The following ASMTL variants were observed in gnomAD, a reference collection of about 807,000 sequenced individuals.
ASMTL encodes acetylserotonin O-methyltransferase like, also known as probable bifunctional dTTP/UTP pyrophosphatase/methyltransferase protein.
A neutral mutation model predicts 60.3 loss-of-function variants in ASMTL; 57 were observed. The ratio of observed to expected loss-of-function variants is 0.95; its 90% CI spans 0.76 to 1.18. The LOEUF (loss-of-function observed/expected upper bound fraction) is 1.18, where lower values mean the gene tolerates loss of function less well. ASMTL is among the 50% of genes most tolerant of loss of function. ASMTL has a pLI of 0.00. For missense variants in ASMTL, 981 were observed against 852.6 expected (o/e 1.15, Z -1.88); for synonymous variants, 419 against 373.0 (o/e 1.12, Z -1.42).
intron 12 of ASMTL, 55 bp downstream of exon 12, chrX:1,412,677 G>A (rs2149274170): frequency 6.2e-7 from 1 of 1,611,370 alleles, no homozygotes; most frequent in Non-Finnish European, 8.5e-7. Context: ...TGTAAAACTT[G>A]AACCCAAAAT....
At chrX:1,453,315 CGTG>C (rs1234644050), upstream of ASMTL, among the ~76,000 whole-genome samples, 28 of 151,728 alleles carry the variant, frequency 1.8e-4, no homozygotes, top group East Asian at 5.1e-3. Context: ...TTGAGCTCCC[CGTG>C]AGGCCACGCC....
chrX:1,432,849 G>T (rs1248606951), intron 5 of ASMTL, among the ~76,000 whole-genome samples: 1 of 152,310 alleles, frequency 6.6e-6, no homozygotes, highest in Non-Finnish European at 1.5e-5. Context: ...AAAAGAAACA[G>T]CAGTTTGGGC....
intron 3 of ASMTL, among the ~76,000 whole-genome samples, chrX:1,438,134 C>G (rs2091019279): frequency 6.7e-6 from 1 of 150,364 alleles, no homozygotes; most frequent in Non-Finnish European, 1.5e-5. Flanking sequence ...ACTAAAAATA[C>G]AAAAATCAGC....
chrX:1,445,152 C>G (rs2091206622), intron 1 of ASMTL, among the ~76,000 whole-genome samples: 1 of 152,150 alleles, frequency 6.6e-6, no homozygotes, highest in Non-Finnish European at 1.5e-5. Flanking sequence ...GGTCGGCCAT[C>G]CCAGTCCTCG....
rs375730249 is a variant in ASMTL, at chrX:1,421,857, A to C, written c.1061-15T>G. On this transcript the variant is annotated splice_polypyrimidine_tract_variant and intron_variant, in intron 8 of 12. Transcript: ENST00000381317. Reference sequence around the variant, plus strand: ...GTTACTGTAACCTGGAGAAATGGGGACAGTCGTGTGACCTCCTAACGAGAA... The same window carrying C: ...GTTACTGTAACCTGGAGAAATGGGGCCAGTCGTGTGACCTCCTAACGAGAA... 8.1e-6 allele frequency: 13 copies of C among 1,613,590 alleles called. No homozygotes were observed. The African/African-American group carries it at 1.7e-4, about 22-fold the overall frequency.
intron 6 of ASMTL, among the ~76,000 whole-genome samples, chrX:1,429,107 AT>A (rs1396444914): frequency 6.6e-6 from 1 of 151,364 alleles, no homozygotes; most frequent in Non-Finnish European, 1.5e-5. Context: ...GTTGGCCACG[AT>A]GGTCTCGAAC....
chrX:1,450,451 A>G (rs1368237541), intron 1 of ASMTL, among the ~76,000 whole-genome samples: 67 of 123,756 alleles, frequency 5.4e-4, no homozygotes, highest in Admixed American at 1.2e-3. Context: ...GTCCCGGGTT[A>G]CTCTCCCCTC....
intron 4 of ASMTL, 65 bp downstream of exon 4, chrX:1,435,629 C>A: frequency 6.5e-7 from 1 of 1,528,744 alleles, no homozygotes; most frequent in Non-Finnish European, 9.1e-7. Flanking sequence ...GGACACCCGG[C>A]CAGATACCAC....
Position 1,405,282 on chromosome X carries a change from G to A in ASMTL, c.1646-1793C>T, listed in dbSNP as rs1179196260. Among the ~76,000 whole-genome samples the A allele has an allele frequency of 2.8e-5, 4 of 141,732 alleles. No homozygotes were observed. In the South Asian group the frequency reaches 9.2e-4, roughly 33 times the overall value. The allele number at this position is 141,732 out of a possible 152,430, so 93.0% of individuals were successfully genotyped here. On this transcript the variant is annotated intron_variant, in intron 12 of 12. Transcript: ENST00000381317. ...TGGGTACGTAGATAGATGAGTGGAT[G>A]GATAGATGGATGTGATGGATGGGTG...
At chrX:1,453,152 G>A (rs1368808620), upstream of ASMTL, among the ~76,000 whole-genome samples, 1 of 143,636 alleles carries the variant, frequency 7.0e-6, no homozygotes, top group Non-Finnish European at 1.5e-5. Flanking sequence ...CGCCTCCATT[G>A]CCCTCTCCGT....
At position 1,443,340 on chromosome X, in the gene ASMTL, T is replaced by G. The variant is rs868638408; in HGVS notation, c.94-1023A>C. Among the ~76,000 whole-genome samples, 99 of 42,964 alleles carry G rather than the reference T, an allele frequency of 2.3e-3. 6 individuals are homozygous for G. The highest frequency in any genetic ancestry group is 3.9e-3 in the African/African-American group (84 of 21,296). 28.2% of individuals were successfully genotyped at this position (42,964 alleles called of 152,430 possible). On this transcript the variant is annotated intron_variant, in intron 1 of 12. Transcript: ENST00000381317. ...GCCATCTTGGACACACACCGCCATCTTGGACAGACACCGCCATCTTGGACA... is the reference window on the plus strand; with the variant it reads ...GCCATCTTGGACACACACCGCCATCGTGGACAGACACCGCCATCTTGGACA...
At chrX:1,414,817 T>A (rs1268476263) in intron 11 of ASMTL, among the ~76,000 whole-genome samples, 4 of 152,276 alleles carry the variant, frequency 2.6e-5, no homozygotes, top group African/African-American at 2.4e-5. Context: ...TTTGTTTTTT[T>A]AAAAACGAGA....
intron 1 of ASMTL, among the ~76,000 whole-genome samples, chrX:1,443,059 A>ACG (rs1439764296): frequency 7.1e-4 from 6 of 8,406 alleles, no homozygotes; most frequent in African/African-American, 7.4e-4. Context: ...ACCATCGTGG[A>ACG]CACACACCGT....
rs1216307127 is a variant in ASMTL at position 1,422,416 on chromosome X, CTA to C, written c.1061-576_1061-575del. On this transcript the variant is annotated intron_variant, in intron 8 of 12. Coordinates refer to ENST00000381317, the MANE Select transcript of ASMTL (RefSeq NM_004192.4). ...CCCTGTGGATTTTGGACTTGCCAGC[CTA>C]CACAATCACGTAAGTCCTCAAGATA... Among the ~76,000 whole-genome samples the C allele has an allele frequency of 5.8e-3, 881 of 152,212 alleles. 9 individuals are homozygous for C. The highest frequency in any genetic ancestry group is 0.02 in the African/African-American group (838 of 41,520).
chrX:1,414,853 G>A (rs1363332797), intron 11 of ASMTL, among the ~76,000 whole-genome samples: 2 of 152,180 alleles, frequency 1.3e-5, no homozygotes, highest in Non-Finnish European at 2.9e-5. Context: ...CTCTGGGGGA[G>A]GGTTGTGGAG....
chrX:1,441,222 A>G (rs2091098537), intron 2 of ASMTL, among the ~76,000 whole-genome samples: 2 of 152,222 alleles, frequency 1.3e-5, no homozygotes, highest in Non-Finnish European at 2.9e-5. Context: ...GATAAGCTAC[A>G]TTAATTGTAT....
intron 12 of ASMTL, among the ~76,000 whole-genome samples, chrX:1,411,724 A>AAG (rs2090030393): frequency 1.2e-5 from 1 of 86,854 alleles, no homozygotes; most frequent in South Asian, 2.9e-4. Flanking sequence ...CCTCAGTGTG[A>AAG]AGACCTCCTC....
chrX:1,447,236 G>A (rs1261598241), intron 1 of ASMTL, among the ~76,000 whole-genome samples: 7 of 152,222 alleles, frequency 4.6e-5, no homozygotes, highest in Admixed American at 3.3e-4. Flanking sequence ...TATAACTAGA[G>A]GGTCTGGATT....
Position 1,418,037 on chromosome X carries a change from A to G in ASMTL, c.1458T>C (p.Ile486=), listed in dbSNP as rs1423677379. The stretch of plus-strand genomic sequence containing the variant: ...GTTGGAAGTGGGCGGCCAGCTCGAT[A>G]ATGTCTGGGAGGTCAAACACAGTCA... The part of the protein sequence containing the change: ...MQVTVFDLPD[I]IELAAHFQPP... Residue 486 remains isoleucine (I), a synonymous_variant, in exon 11 of 13, where the codon ATT becomes ATC. Coordinates refer to ENST00000381317, the MANE Select transcript of ASMTL (RefSeq NM_004192.4). The G allele has an allele frequency of 1.2e-6, 2 of 1,613,380 alleles. No individual in the cohort carries two copies. The highest frequency in any genetic ancestry group is 3.3e-5 in the Admixed American group (2 of 59,956).
Sources: gnomAD v4.1 joint callset for allele counts (sites outside exome capture counted in the v4.1 genomes callset) on GRCh38, gnomAD v4.1.1 for gene constraint, MANE v1.5 for transcripts, NCBI Gene and HGNC (gene_info 2026-07-23, HGNC 2026-07-21) for gene names.